Variants in CTNNA3 observed in about 807,000 individuals in gnomAD.
CTNNA3 encodes catenin alpha 3.
Under a neutral mutation model 95.7 loss-of-function variants are expected in CTNNA3, and 76 were observed. The observed-to-expected ratio is 0.79, with a 90% CI of 0.66 to 0.96. The LOEUF (loss-of-function observed/expected upper bound fraction) is 0.96, where lower values mean the gene tolerates loss of function less well. CTNNA3 is among the 40% of genes least tolerant of loss of function. The pLI is 0.00. For synonymous variants in CTNNA3, 431 were observed against 374.4 expected (o/e 1.15, Z -1.74); for missense variants, 1,191 against 1,089.8 (o/e 1.09, Z -1.31).
At chr10:66,024,215 A>G (rs1275409863) in intron 15 of CTNNA3, among the ~76,000 whole-genome samples, 1 of 148,108 alleles carries the variant, frequency 6.8e-6, no homozygotes, top group African/African-American at 2.5e-5. Flanking sequence ...CCAGCCTCTC[A>G]AGTAGCTGGG....
At chr10:66,572,307 C>T (rs1274702362) in intron 10 of CTNNA3, among the ~76,000 whole-genome samples, 1 of 151,628 alleles carries the variant, frequency 6.6e-6, no homozygotes, top group Non-Finnish European at 1.5e-5. Flanking sequence ...CGCTTAAACC[C>T]GGGAGGCGGA....
intron 9 of CTNNA3, among the ~76,000 whole-genome samples, chr10:66,763,341 C>CAGAGAGAGAGAGAGAGAG (rs1554848276): frequency 1.0e-4 from 14 of 139,104 alleles, no homozygotes; most frequent in Non-Finnish European, 1.5e-4. Context: ...CACACACACA[C>CAGAGAGAGAGAGAGAGAG]AGAGAGAGAG....
intron 13 of CTNNA3, among the ~76,000 whole-genome samples, chr10:66,240,407 A>C (rs1304914082): frequency 6.6e-6 from 1 of 152,060 alleles, no homozygotes; most frequent in Non-Finnish European, 1.5e-5. Context: ...ACATGTTTTC[A>C]TCTTTGGGCT....
At chr10:67,198,203 AT>A (rs1333532733) in intron 6 of CTNNA3, among the ~76,000 whole-genome samples, 1 of 152,124 alleles carries the variant, frequency 6.6e-6, no homozygotes, top group Non-Finnish European at 1.5e-5. Context: ...TCCATATGAG[AT>A]TATGTCATGA....
intron 11 of CTNNA3, among the ~76,000 whole-genome samples, chr10:66,495,847 G>T (rs1840081824): frequency 2.0e-5 from 3 of 152,160 alleles, no homozygotes; most frequent in African/African-American, 7.2e-5. Context: ...GTAGAGACAG[G>T]GTTTCACCAT....
At chr10:66,276,320 C>T (rs1313252843) in intron 13 of CTNNA3, among the ~76,000 whole-genome samples, 3 of 151,982 alleles carry the variant, frequency 2.0e-5, no homozygotes, top group East Asian at 3.9e-4. Context: ...TCTGAATGCC[C>T]GTTATAGGAA....
At chr10:65,958,091 T>C (rs1260280532) in intron 17 of CTNNA3, among the ~76,000 whole-genome samples, 1 of 147,096 alleles carries the variant, frequency 6.8e-6, no homozygotes, top group Non-Finnish European at 1.5e-5. Flanking sequence ...TTCTTTTTAC[T>C]CTTTTTTCTC....
At chr10:66,331,925 T>C (rs1457987926) in intron 12 of CTNNA3, among the ~76,000 whole-genome samples, 1 of 152,102 alleles carries the variant, frequency 6.6e-6, no homozygotes, top group East Asian at 1.9e-4. Context: ...TGATTCTTCC[T>C]ACCCATGAGC....
At chr10:66,168,828 T>C (rs1256149020) in intron 13 of CTNNA3, among the ~76,000 whole-genome samples, 6 of 152,284 alleles carry the variant, frequency 3.9e-5, no homozygotes, top group East Asian at 3.9e-4. Flanking sequence ...TAAAAGTCAA[T>C]AAATATTTGT....
In CTNNA3 at chr10:66,173,808, T is replaced by C. The variant is rs538553438; in HGVS notation, c.1885-70559A>G. On this transcript the variant is annotated intron_variant, in intron 13 of 17. Coordinates refer to ENST00000433211, the MANE Select transcript of CTNNA3 (RefSeq NM_013266.4). Reference sequence around the variant, plus strand: ...AATATTTAAATAACCATATTTATATTCATAGCTACAACTTATTTGTGCATT... The same window carrying C: ...AATATTTAAATAACCATATTTATATCCATAGCTACAACTTATTTGTGCATT... 4.3e-3 allele frequency among the ~76,000 whole-genome samples: 654 copies of C among 152,284 alleles called. 4 individuals are homozygous for C. Among genetic ancestry groups the C allele is most frequent in the Non-Finnish European group, 7.6e-3 (517 of 68,020 alleles).
At chr10:66,939,511 C>T (rs1314075935) in intron 7 of CTNNA3, among the ~76,000 whole-genome samples, 1 of 152,110 alleles carries the variant, frequency 6.6e-6, no homozygotes, top group African/African-American at 2.4e-5. Flanking sequence ...GTATTCAACT[C>T]TTTTGTTTGG....
chr10:67,318,301 G>A (rs1280640317), intron 5 of CTNNA3, among the ~76,000 whole-genome samples: 1 of 152,102 alleles, frequency 6.6e-6, no homozygotes, highest in Non-Finnish European at 1.5e-5. Context: ...AAACATTAAT[G>A]TTCTACATTT....
chr10:66,876,394 A>C (rs1844623753), intron 7 of CTNNA3, among the ~76,000 whole-genome samples: 2 of 152,176 alleles, frequency 1.3e-5, no homozygotes, highest in African/African-American at 2.4e-5. Flanking sequence ...TTGTTTGGAA[A>C]ACCAGGTATT....
intron 13 of CTNNA3, among the ~76,000 whole-genome samples, chr10:66,227,970 C>G (rs1387300313): frequency 6.6e-6 from 1 of 152,048 alleles, no homozygotes; most frequent in East Asian, 1.9e-4. Flanking sequence ...TAGTTGTTCA[C>G]AATATTCTCT....
chr10:66,969,493 T>G (rs899498665), intron 7 of CTNNA3, among the ~76,000 whole-genome samples: 11 of 152,172 alleles, frequency 7.2e-5, no homozygotes, highest in Non-Finnish European at 1.5e-4. Flanking sequence ...ACTTTAATTG[T>G]ATCTTGGATT....
At chr10:66,944,873 A>C (rs1848201188) in intron 7 of CTNNA3, among the ~76,000 whole-genome samples, 2 of 152,196 alleles carry the variant, frequency 1.3e-5, no homozygotes, top group South Asian at 4.1e-4. Flanking sequence ...AGTGAGCAGT[A>C]ATACTTTGAA....
intron 7 of CTNNA3, among the ~76,000 whole-genome samples, chr10:67,079,362 A>G (rs145589663): frequency 6.6e-6 from 1 of 152,356 alleles, no homozygotes; most frequent in East Asian, 1.9e-4. Context: ...GAAGGAACAC[A>G]GCGATAGGGC....
intron 15 of CTNNA3, among the ~76,000 whole-genome samples, chr10:66,057,699 C>T (rs191474368): frequency 1.3e-5 from 2 of 152,196 alleles, no homozygotes; most frequent in African/African-American, 2.4e-5. Flanking sequence ...CTCTAACACA[C>T]TATCCAATAG....
intron 5 of CTNNA3, among the ~76,000 whole-genome samples, chr10:67,331,098 A>G (rs1269364153): frequency 5.3e-5 from 8 of 152,246 alleles, no homozygotes; most frequent in Non-Finnish European, 4.4e-5. Context: ...TTTACTGACA[A>G]AAGTGACATT....
Sources: allele counts gnomAD v4.1 joint callset (sites outside exome capture counted in the v4.1 genomes callset), GRCh38; gene constraint gnomAD v4.1.1; transcripts MANE v1.5; gene names NCBI Gene and HGNC (gene_info 2026-07-23, HGNC 2026-07-21).